The following ZFAND6 variants were observed in gnomAD, a reference collection of about 807,000 sequenced individuals.
ZFAND6 encodes zinc finger AN1-type containing 6.
ZFAND6 carries 12 observed loss-of-function variants against 24.5 expected under a neutral mutation model. That is an observed-to-expected ratio of 0.49 (90% CI 0.31 to 0.79). The LOEUF (loss-of-function observed/expected upper bound fraction) is 0.79, where lower values mean the gene tolerates loss of function less well. Ranked by LOEUF, ZFAND6 falls within the 30% of genes least tolerant of loss-of-function variation. The probability of loss-of-function intolerance (pLI) is 0.04; values close to 1 mark genes in which losing one functional copy is unlikely to be tolerated. For missense variants in ZFAND6, 207 were observed against 245.9 expected (o/e 0.84, Z 1.06); for synonymous variants, 92 against 81.5 (o/e 1.13, Z -0.69).
At chr15:80,095,384 T>G (rs1415252893) in intron 1 of ZFAND6, among the ~76,000 whole-genome samples, 1 of 152,202 alleles carries the variant, frequency 6.6e-6, no homozygotes, top group African/African-American at 2.4e-5. Context: ...GATACTTACT[T>G]AGATCTTTAG....
chr15:80,090,108 A>G (rs1405972382), intron 1 of ZFAND6, among the ~76,000 whole-genome samples: 4 of 152,184 alleles, frequency 2.6e-5, no homozygotes, highest in Non-Finnish European at 4.4e-5. Flanking sequence ...AGTAGCAGCC[A>G]TTCCTTATTC....
chr15:80,090,985 T>G (rs2038323889), intron 1 of ZFAND6, among the ~76,000 whole-genome samples: 1 of 152,214 alleles, frequency 6.6e-6, no homozygotes, highest in South Asian at 2.1e-4. Flanking sequence ...GAGGTTTATG[T>G]TTTTCTACTG....
chr15:80,135,254 T>G lies in ZFAND6; in HGVS notation c.479-2226T>G, dbSNP rs186720073. On this transcript the variant is annotated intron_variant, in intron 6 of 6. Transcript: ENST00000261749. Reference sequence around the variant, plus strand: ...CTTTATTATAAGAATACATTATATATTAATAATATACAAACATACAACACA... The same window carrying G: ...CTTTATTATAAGAATACATTATATAGTAATAATATACAAACATACAACACA... Among the ~76,000 whole-genome samples, 5 of 152,362 alleles carry G rather than the reference T, an allele frequency of 3.3e-5. No homozygotes were observed. In the East Asian group the frequency reaches 9.6e-4, roughly 29 times the overall value.
In ZFAND6 at chr15:80,137,577, A is replaced by G. The variant is rs570597082; in HGVS notation, c.576A>G (p.Lys192=). Residue 192 remains lysine (K), a synonymous_variant, in exon 7 of 7, where the codon AAA becomes AAG. Transcript: ENST00000261749. ...ATTACAAAGCCGATGCTGCTGAGAA[A>G]ATCAGAAAAGAAAATCCAGTAGTTG... is the stretch of plus-strand genomic sequence containing the variant. ...SYNYKADAAE[K]IRKENPVVVG... is the part of the protein sequence containing the mutation. 13 of 1,607,342 alleles carry G rather than the reference A, an allele frequency of 8.1e-6. No individual in the cohort carries two copies. In the South Asian group the frequency reaches 1.3e-4, roughly 17 times the overall value.
At position 80,122,685 on chromosome 15, in the gene ZFAND6, A is replaced by C; in HGVS notation, c.264-15A>C. On this transcript the variant is annotated splice_polypyrimidine_tract_variant and intron_variant, in intron 4 of 6. Transcript: ENST00000261749. Reference sequence around the variant, plus strand: ...TAGAGATCACCTTTTAAAATGAAATATTTTGCTTTTCTAGCCCTGTATCAA... The same window carrying C: ...TAGAGATCACCTTTTAAAATGAAATCTTTTGCTTTTCTAGCCCTGTATCAA... 1 of 1,555,248 alleles carries C rather than the reference A, an allele frequency of 6.4e-7. No individual in the cohort carries two copies. The highest frequency in any genetic ancestry group is 1.7e-5 in the Admixed American group (1 of 59,616).
At chr15:80,133,592 A>G (rs1337305119) in intron 6 of ZFAND6, among the ~76,000 whole-genome samples, 1 of 152,242 alleles carries the variant, frequency 6.6e-6, no homozygotes, top group Non-Finnish European at 1.5e-5. Flanking sequence ...CCCAAACTAC[A>G]TTAAGAAAGT....
chr15:80,101,888 G>A (rs929101411), intron 2 of ZFAND6, among the ~76,000 whole-genome samples: 2 of 151,028 alleles, frequency 1.3e-5, no homozygotes, highest in African/African-American at 2.4e-5. Context: ...TGCCTCCTGG[G>A]TTCATGCCCT....
At chr15:80,137,200 C>A (rs900033772) in intron 6 of ZFAND6, among the ~76,000 whole-genome samples, 2 of 152,208 alleles carry the variant, frequency 1.3e-5, no homozygotes, top group Non-Finnish European at 2.9e-5. Context: ...CATTTTCAAC[C>A]TAGCAACTGT....
upstream of ZFAND6, among the ~76,000 whole-genome samples, chr15:80,059,340 G>A (rs898713859): frequency 2.0e-5 from 3 of 152,222 alleles, no homozygotes; most frequent in Admixed American, 1.3e-4. Context: ...AAGTCTCCGC[G>A]GCACCTCTTA....
chr15:80,069,739 G>A (rs1014293482), intron 1 of ZFAND6, among the ~76,000 whole-genome samples: 4 of 152,046 alleles, frequency 2.6e-5, no homozygotes, highest in Admixed American at 1.3e-4. Flanking sequence ...CTCCCAAGTA[G>A]CTGGGATTAC....
chr15:80,124,363 G>A (rs949212639), intron 5 of ZFAND6, among the ~76,000 whole-genome samples: 1 of 151,838 alleles, frequency 6.6e-6, no homozygotes, highest in African/African-American at 2.4e-5. Context: ...AACCTGGGAG[G>A]CGGAGCTTGC....
intron 2 of ZFAND6, among the ~76,000 whole-genome samples, chr15:80,108,271 T>G (rs1354868777): frequency 6.6e-6 from 1 of 152,136 alleles, no homozygotes; most frequent in Admixed American, 6.5e-5. Flanking sequence ...CATTTACAAT[T>G]GAAGATTTAC....
chr15:80,069,038 A>G (rs2036825087), intron 1 of ZFAND6, among the ~76,000 whole-genome samples: 1 of 152,246 alleles, frequency 6.6e-6, no homozygotes, highest in Admixed American at 6.5e-5. Context: ...TTTGTGACTG[A>G]TTAAAATGGT....
At chr15:80,065,977 T>C (rs935997577) in intron 1 of ZFAND6, among the ~76,000 whole-genome samples, 10 of 152,236 alleles carry the variant, frequency 6.6e-5, no homozygotes, top group Non-Finnish European at 8.8e-5. Context: ...TGATGAGTAA[T>C]ATTTTTATGT....
At chr15:80,076,117 C>G (rs2037260065) in intron 1 of ZFAND6, among the ~76,000 whole-genome samples, 1 of 152,114 alleles carries the variant, frequency 6.6e-6, no homozygotes. Flanking sequence ...GTTCTTAACT[C>G]TTCTCTAGAC....
At chr15:80,130,144 G>C (rs1233752664) in intron 5 of ZFAND6, 1 of 152,224 alleles carries the variant, frequency 6.6e-6, no homozygotes, top group African/African-American at 2.4e-5. Context: ...AATGTGTGAA[G>C]CATGGATTGT....
intron 1 of ZFAND6, among the ~76,000 whole-genome samples, chr15:80,071,285 T>A (rs1005088681): frequency 6.6e-6 from 1 of 152,176 alleles, no homozygotes. Context: ...GTTTAAAGGT[T>A]TTGTCACTTT....
intron 2 of ZFAND6, among the ~76,000 whole-genome samples, chr15:80,109,583 G>A (rs78937184): frequency 0.013 from 1,989 of 152,294 alleles, 34 homozygotes; most frequent in African/African-American, 0.045. Flanking sequence ...GGGAGTAAAA[G>A]AGGAAGTCAT....
intron 2 of ZFAND6, among the ~76,000 whole-genome samples, chr15:80,105,347 G>A (rs895284767): frequency 6.6e-6 from 1 of 152,200 alleles, no homozygotes; most frequent in African/African-American, 2.4e-5. Flanking sequence ...CCTAACAGGT[G>A]ATTACTGTCT....
Sources: allele counts gnomAD v4.1 joint callset (sites outside exome capture counted in the v4.1 genomes callset), GRCh38; gene constraint gnomAD v4.1.1; transcripts MANE v1.5; gene names NCBI Gene and HGNC (gene_info 2026-07-23, HGNC 2026-07-21).